KLHDC8B: variants seen among roughly 807,000 people sequenced by gnomAD.
KLHDC8B encodes kelch domain containing 8B.
KLHDC8B carries 19 observed loss-of-function variants against 26.3 expected under a neutral mutation model. The observed-to-expected ratio is 0.72, with a 90% CI of 0.50 to 1.06. KLHDC8B has a LOEUF of 1.06. Ranked by LOEUF, KLHDC8B falls within the 50% of genes least tolerant of loss-of-function variation. KLHDC8B has a pLI of 0.00. For synonymous variants in KLHDC8B, 150 were observed against 188.4 expected (o/e 0.80, Z 1.67); for missense variants, 411 against 488.1 (o/e 0.84, Z 1.49).
Position 49,173,050 on chromosome 3 carries a change from T to C in KLHDC8B, c.281T>C (p.Val94Ala). ...VGGVDEVQSP[V>A]AAVEAFLMDE... ...GGTGTGGATGAGGTCCAGAGCCCGG[T>C]AGCTGCTGTAGAGGCCTTCCTGATG... The change falls in exon 2 of 6, where the codon GTA becomes GCA. Residue 94 changes from valine (V) to alanine (A), a missense_variant. Physicochemically the swap from Val to Ala is moderately conservative, Grantham distance 64 (BLOSUM62 0). Coordinates refer to ENST00000332780, the MANE Select transcript of KLHDC8B (RefSeq NM_173546.3). The C allele has an allele frequency of 6.2e-7, 1 of 1,609,364 alleles. No individual in the cohort carries two copies. Among genetic ancestry groups the C allele is most frequent in the African/African-American group, 1.3e-5 (1 of 74,952 alleles).
Position 49,174,298 on chromosome 3 carries a change from C to G in KLHDC8B, c.436C>G (p.Arg146Gly). ...TGACACGGCCCCCCAGGCCCAGGTACGTGTGTATGAGCCCCGTCGGGACTG... is the reference window on the plus strand; with the variant it reads ...TGACACGGCCCCCCAGGCCCAGGTAGGTGTGTATGAGCCCCGTCGGGACTG... ...GPDTAPQAQV[R>G]VYEPRRDCWL... is the part of the protein sequence containing the mutation. The change falls in exon 3 of 6, where the codon CGT becomes GGT. Residue 146 changes from arginine to glycine, a missense_variant. Physicochemically the swap from Arg to Gly is moderately radical, Grantham distance 125 (BLOSUM62 -2). Coordinates refer to ENST00000332780, the MANE Select transcript of KLHDC8B (RefSeq NM_173546.3). 6.2e-7 allele frequency: 1 copy of G among 1,613,852 alleles called. No homozygotes were observed. The highest frequency in any genetic ancestry group is 8.5e-7 in the Non-Finnish European group (1 of 1,179,830).
Position 49,175,960 on chromosome 3 carries a change from G to C in KLHDC8B, c.*159G>C. 1.5e-6 allele frequency: 1 copy of C among 661,116 alleles called. No homozygotes were observed. The highest frequency in any genetic ancestry group is 2.6e-6 in the Non-Finnish European group (1 of 384,092). The allele number at this position is 661,116 out of a possible 1,614,324, so 41.0% of individuals were successfully genotyped here. A position where few individuals can be genotyped will look rare whatever the true frequency, so the allele number is the denominator to read the frequency against. On this transcript the variant is annotated 3_prime_UTR_variant, in exon 6 of 6. Transcript: ENST00000332780. ...TGCCTTGGGGCCTTGGGTTAGGGGA[G>C]CCTTTGTCTTTAGTGCAGGACACAC...
rs1201721701 is a variant in KLHDC8B at position 49,174,980 on chromosome 3, G to A, written c.766+14G>A. 8.1e-6 allele frequency: 13 copies of A among 1,613,844 alleles called. No homozygotes were observed. Among genetic ancestry groups the A allele is most frequent in the Middle Eastern group, 3.3e-4 (2 of 6,084 alleles). On this transcript the variant is annotated intron_variant, in intron 4 of 5. Coordinates refer to ENST00000332780, the MANE Select transcript of KLHDC8B (RefSeq NM_173546.3). ...ACCTGGAGCATGGTGAGCAGTGGCT[G>A]TTCTGGGCTGTCCTCCCGCTCTCTG... is the stretch of plus-strand genomic sequence containing the variant.
rs764797540 is a variant in KLHDC8B, at chr3:49,175,142, A to C, written c.847A>C (p.Ile283Leu). ...DFVVGSLGGH[I>L]VAIGGLGNQP... Reference sequence around the variant, plus strand: ...TGTGGTTGGGTCCCTTGGGGGCCACATTGTGGCCATTGGGGGCCTTGGTAA... The same window carrying C: ...TGTGGTTGGGTCCCTTGGGGGCCACCTTGTGGCCATTGGGGGCCTTGGTAA... Residue 283 changes from isoleucine (I) to leucine (L), a missense_variant, in exon 5 of 6, where the codon ATT becomes CTT. By Grantham distance (5) the Ile-to-Leu change is conservative (BLOSUM62 2). Coordinates refer to ENST00000332780, the MANE Select transcript of KLHDC8B (RefSeq NM_173546.3). 1 of 1,614,044 alleles carries C rather than the reference A, an allele frequency of 6.2e-7. No individual in the cohort carries two copies. The highest frequency in any genetic ancestry group is 8.5e-7 in the Non-Finnish European group (1 of 1,179,974).
chr3:49,175,003 CTG>C (rs2045812403), intron 4 of KLHDC8B, 37 bp downstream of exon 4: 1 of 1,613,660 alleles, frequency 6.2e-7, no homozygotes. Flanking sequence ...CTCCCGCTCT[CTG>C]TGGGATGGAG....
Position 49,175,710 on chromosome 3 carries a change from T to G in KLHDC8B, c.974T>G (p.Leu325Arg), listed in dbSNP as rs1462960940. The change falls in exon 6 of 6, where the codon CTG becomes CGG. Residue 325 changes from leucine (L) to arginine (R), a missense_variant. Leu to Arg is a moderately radical substitution (Grantham distance 102). Coordinates refer to ENST00000332780, the MANE Select transcript of KLHDC8B (RefSeq NM_173546.3). ...MPTARCSCSS[L>R]QAGPRLFVIG... is the part of the protein sequence containing the mutation. Reference sequence around the variant, plus strand: ...ACTGCCCGCTGCTCCTGCTCTAGTCTGCAGGCTGGGCCCCGGCTGTTTGTT... The same window carrying G: ...ACTGCCCGCTGCTCCTGCTCTAGTCGGCAGGCTGGGCCCCGGCTGTTTGTT... 6.2e-7 allele frequency: 1 copy of G among 1,613,814 alleles called. No homozygotes were observed. The highest frequency in any genetic ancestry group is 8.5e-7 in the Non-Finnish European group (1 of 1,179,948).
At position 49,174,321 on chromosome 3, in the gene KLHDC8B, C is replaced by T; in HGVS notation, c.459C>T (p.Asp153=). 2 of 1,613,960 alleles carry T rather than the reference C, an allele frequency of 1.2e-6. No homozygotes were observed. The highest frequency in any genetic ancestry group is 1.7e-4 in the Middle Eastern group (1 of 6,058). Residue 153 remains aspartate, a synonymous_variant, in exon 3 of 6, where the codon GAC becomes GAT. Transcript: ENST00000332780. ...TACGTGTGTATGAGCCCCGTCGGGA[C>T]TGCTGGCTTTCGCTACCCTCCATGC... ...AQVRVYEPRR[D]CWLSLPSMPT...
chr3:49,174,169 C>A, intron 2 of KLHDC8B, 70 bp from the exon 3 acceptor site: 1 of 1,243,900 alleles, frequency 8.0e-7, no homozygotes, highest in Non-Finnish European at 1.1e-6. Context: ...CCAGGACTTA[C>A]CAGGGCAGCT....
chr3:49,174,856 TG>T lies in KLHDC8B; in HGVS notation c.658del (p.Ala220LeufsTer48). 6.2e-7 allele frequency: 1 copy of T among 1,614,142 alleles called. No individual in the cohort carries two copies. On this transcript the variant is annotated frameshift_variant, in exon 4 of 6. Transcript: ENST00000332780. LOFTEE classifies it high-confidence loss of function. Reference sequence around the variant, plus strand: ...CGTCGGGCCTTTGCTGGCTGCGCCATGGCTGAAGGCAGCGTCTTTAGCCTGG... The same window carrying T: ...CGTCGGGCCTTTGCTGGCTGCGCCATGCTGAAGGCAGCGTCTTTAGCCTGG... The part of the protein sequence containing the change: ...PSRRAFAGCA[M>X]AEGSVFSLGG...
chr3:49,174,381 C>T lies in KLHDC8B; in HGVS notation c.519C>T (p.His173=), dbSNP rs199949878. 8.1e-6 allele frequency: 13 copies of T among 1,613,646 alleles called. No individual in the cohort carries two copies. Among genetic ancestry groups the T allele is most frequent in the African/African-American group, 4.0e-5 (3 of 75,000 alleles). The change falls in exon 3 of 6, where the codon CAC becomes CAT. Residue 173 remains histidine (H), a synonymous_variant. Coordinates refer to ENST00000332780, the MANE Select transcript of KLHDC8B (RefSeq NM_173546.3). ...GCTATGGGGCCTCCACCTTCCTGCACGGGAACAAGATCTATGTCCTGGGTA... is the reference window on the plus strand; with the variant it reads ...GCTATGGGGCCTCCACCTTCCTGCATGGGAACAAGATCTATGTCCTGGGTA... ...TPCYGASTFL[H]GNKIYVLGGR... is the part of the protein sequence containing the mutation.
rs552840607 is a variant in KLHDC8B at position 49,173,187 on chromosome 3, C to T, written c.376+42C>T. On this transcript the variant is annotated intron_variant, in intron 2 of 5. Transcript: ENST00000332780. ...GGAAGGCACTTCAGGTACCCTAACA[C>T]CTTTTATTATTTCCTGACTTAGTCC... is the stretch of plus-strand genomic sequence containing the variant. The T allele has an allele frequency of 5.9e-6, 9 of 1,515,462 alleles. No homozygotes were observed. In the African/African-American group the frequency reaches 1.2e-4, roughly 21 times the overall value. The allele number at this position is 1,515,462 out of a possible 1,614,324, so 93.9% of individuals were successfully genotyped here. A position where few individuals can be genotyped will look rare whatever the true frequency, so the allele number is the denominator to read the frequency against.
Position 49,175,178 on chromosome 3 carries a change from G to A in KLHDC8B, c.868+15G>A. The A allele has an allele frequency of 1.9e-6, 3 of 1,604,892 alleles. No homozygotes were observed. The highest frequency in any genetic ancestry group is 2.6e-6 in the Non-Finnish European group (3 of 1,172,542). ...TGGGGGCCTTGGTAAGTCTCTATGG[G>A]GCTGGGGAGAGGAGGGAGTCCCAAG... On this transcript the variant is annotated intron_variant, in intron 5 of 5. Coordinates refer to ENST00000332780, the MANE Select transcript of KLHDC8B (RefSeq NM_173546.3).
rs1575550170 is a variant in KLHDC8B, at chr3:49,175,795, G to C, written c.1059G>C (p.Gly353=). 2.4e-5 allele frequency: 38 copies of C among 1,613,874 alleles called. No individual in the cohort carries two copies. In the East Asian group the frequency reaches 8.2e-4, roughly 35 times the overall value. ...TGGAGGCACTGTGTCTGCGTGATGG[G>C]GTCTGAAGGCTTGGTGGGAGCTGTC... ...QAVEALCLRD[G]V is the part of the protein sequence containing the mutation. The change falls in exon 6 of 6, where the codon GGG becomes GGC. Residue 353 remains glycine, a synonymous_variant. Coordinates refer to ENST00000332780, the MANE Select transcript of KLHDC8B (RefSeq NM_173546.3).
chr3:49,174,546 C>T (rs2045802919), intron 3 of KLHDC8B, 143 bp downstream of exon 3: 1 of 1,179,920 alleles, frequency 8.5e-7, no homozygotes, highest in African/African-American at 1.5e-5. Context: ...TGCTCTGAGG[C>T]TCTGACCCCT....
rs536069177 is a variant in KLHDC8B, at chr3:49,173,403, ACTC to A, written c.376+262_376+264del. ...GAGACCCCAGCCATGTTCCTGCCCC[ACTC>A]CTCATTTCTAAGAGATGGGGGTGGG... On this transcript the variant is annotated intron_variant, in intron 2 of 5. Transcript: ENST00000332780. Among the ~76,000 whole-genome samples the A allele has an allele frequency of 3.9e-3, 591 of 151,786 alleles. 4 individuals carry two copies. The highest frequency in any genetic ancestry group is 0.01 in the Middle Eastern group (3 of 294).
intron 2 of KLHDC8B, 117 bp from the exon 3 acceptor site, chr3:49,174,122 G>A: frequency 1.5e-6 from 1 of 658,430 alleles, no homozygotes; most frequent in Admixed American, 2.7e-5. Context: ...CTGTTGCTGG[G>A]GAGGGATGCT....
In KLHDC8B at chr3:49,172,875, T is replaced by C; in HGVS notation, c.106T>C (p.Leu36=). 2.5e-6 allele frequency: 4 copies of C among 1,613,982 alleles called. No individual in the cohort carries two copies. Among genetic ancestry groups the C allele is most frequent in the Non-Finnish European group, 3.4e-6 (4 of 1,179,966 alleles). Residue 36 remains leucine, a synonymous_variant, in exon 2 of 6, where the codon TTG becomes CTG. Coordinates refer to ENST00000332780, the MANE Select transcript of KLHDC8B (RefSeq NM_173546.3). ...ACACCAAGATGGGCACCTGCTGGTG[T>C]TGGGGGGTTGTGGCCGGGCTGGACT... ...VAHQDGHLLV[L]GGCGRAGLPL...
chr3:49,174,456 C>T, intron 3 of KLHDC8B, 53 bp downstream of exon 3: 1 of 1,559,774 alleles, frequency 6.4e-7, no homozygotes, highest in Non-Finnish European at 8.8e-7. Context: ...AATCCTCATC[C>T]TCATAGGTTG....
At position 49,172,916 on chromosome 3, in the gene KLHDC8B, T is replaced by C. The variant is rs2045781291; in HGVS notation, c.147T>C (p.Ala49=). The change falls in exon 2 of 6, where the codon GCT becomes GCC. Residue 49 remains alanine, a synonymous_variant. Coordinates refer to ENST00000332780, the MANE Select transcript of KLHDC8B (RefSeq NM_173546.3). ...CGRAGLPLDT[A]ETLDMASHTW... is the part of the protein sequence containing the mutation. ...GGGCTGGACTGCCCCTGGACACTGCTGAGACACTGGACATGGCCTCGCACA... is the reference window on the plus strand; with the variant it reads ...GGGCTGGACTGCCCCTGGACACTGCCGAGACACTGGACATGGCCTCGCACA... The C allele has an allele frequency of 6.2e-7, 1 of 1,613,980 alleles. No homozygotes were observed. The highest frequency in any genetic ancestry group is 1.3e-5 in the African/African-American group (1 of 74,932).
Sources: gnomAD v4.1 joint callset for allele counts (sites outside exome capture counted in the v4.1 genomes callset) on GRCh38, gnomAD v4.1.1 for gene constraint, MANE v1.5 for transcripts, NCBI Gene and HGNC (gene_info 2026-07-23, HGNC 2026-07-21) for gene names.